The following NWD1 variants were observed in gnomAD, a reference collection of about 807,000 sequenced individuals.
NWD1 encodes NACHT domain- and WD repeat-containing protein 1.
In NWD1, 129 loss-of-function variants were observed where a neutral mutation model predicts 135.1. The ratio of observed to expected loss-of-function variants is 0.96; its 90% CI spans 0.83 to 1.11. The LOEUF (loss-of-function observed/expected upper bound fraction) is 1.11. Ranked by LOEUF, NWD1 falls within the 50% of genes least tolerant of loss-of-function variation. The pLI, the probability that NWD1 is intolerant of heterozygous loss-of-function variation, is 0.00. For synonymous variants in NWD1, 773 were observed against 786.0 expected (o/e 0.98, Z 0.28); for missense variants, 1,740 against 1,851.3 (o/e 0.94, Z 1.10).
intron 5 of NWD1, among the ~76,000 whole-genome samples, chr19:16,747,756 C>T (rs1303999943): frequency 6.6e-6 from 1 of 152,114 alleles, no homozygotes; most frequent in African/African-American, 2.4e-5. Context: ...AACCATCAAT[C>T]TGCTTTCTGT....
intron 14 of NWD1, among the ~76,000 whole-genome samples, chr19:16,792,705 CAACAAA>C (rs1161491322): frequency 4.7e-5 from 7 of 148,930 alleles, no homozygotes; most frequent in African/African-American, 1.7e-4. Flanking sequence ...AAAACAACAG[CAACAAA>C]AACAAAAGCC....
chr19:16,791,555 C>T lies in NWD1; in HGVS notation c.3146C>T (p.Thr1049Ile). The T allele has an allele frequency of 6.2e-7, 1 of 1,614,186 alleles. No homozygotes were observed. The highest frequency in any genetic ancestry group is 8.5e-7 in the Non-Finnish European group (1 of 1,180,022). ...HMSSIKEETP[T>I]CAVSVQKQGK... is the part of the protein sequence containing the mutation. ...TCCAGCATCAAAGAAGAAACACCTA[C>T]CTGTGCCGTCTCAGTCCAGAAGCAA... Residue 1049 changes from threonine (T) to isoleucine (I), a missense_variant, in exon 14 of 19, where the codon ACC (threonine) becomes ATC (isoleucine). Physicochemically the swap from Thr to Ile is moderately conservative, Grantham distance 89. Coordinates refer to ENST00000524140, the MANE Select transcript of NWD1 (RefSeq NM_001007525.5).
chr19:16,797,911 A>G (rs1970474586), intron 16 of NWD1, 25 bp downstream of exon 16: 1 of 1,593,380 alleles, frequency 6.3e-7, no homozygotes. Context: ...GGGACCCTTC[A>G]TCCTCACCTC....
intron 5 of NWD1, among the ~76,000 whole-genome samples, chr19:16,747,754 A>G (rs528723797): frequency 6.6e-6 from 1 of 152,098 alleles, no homozygotes; most frequent in East Asian, 1.9e-4. Context: ...GCAACCATCA[A>G]TCTGCTTTCT....
chr19:16,733,520 CAAAA>C (rs11436280), intron 3 of NWD1, among the ~76,000 whole-genome samples: 2 of 133,344 alleles, frequency 1.5e-5, no homozygotes, highest in Non-Finnish European at 3.2e-5. Context: ...GATTCTGTCT[CAAAA>C]AAAAAAAAAA....
At chr19:16,746,862 T>A (rs1968343525) in intron 5 of NWD1, among the ~76,000 whole-genome samples, 1 of 151,984 alleles carries the variant, frequency 6.6e-6, no homozygotes, top group African/African-American at 2.4e-5. Flanking sequence ...CACAAAGGTC[T>A]TCATCCTCAT....
chr19:16,734,559 C>CT (rs58061957), intron 3 of NWD1, among the ~76,000 whole-genome samples: 43,559 of 136,870 alleles, frequency 0.32, 7,575 homozygotes, highest in African/African-American at 0.42. Context: ...GATTTTCTTT[C>CT]TTTTTTTTTT....
intron 12 of NWD1, among the ~76,000 whole-genome samples, chr19:16,782,210 A>G (rs530911013): frequency 1.7e-4 from 25 of 149,622 alleles, no homozygotes; most frequent in Non-Finnish European, 3.5e-4. Context: ...TAATCCCAGC[A>G]CTTTGAAGAT....
chr19:16,797,931 A>G, intron 16 of NWD1, 45 bp downstream of exon 16: 2 of 1,553,014 alleles, frequency 1.3e-6, no homozygotes, highest in Non-Finnish European at 1.8e-6. Flanking sequence ...CCACCTCGGG[A>G]ACAGACACTG....
rs534503108 is a variant in NWD1, at chr19:16,806,790, G to A, written c.3737-796G>A. ...AGCATTTTGGGAGGCCGAGGCGGGCGGATCACTTGAGGTCAGGAGTTCAAG... is the reference window on the plus strand; with the variant it reads ...AGCATTTTGGGAGGCCGAGGCGGGCAGATCACTTGAGGTCAGGAGTTCAAG... On this transcript the variant is annotated intron_variant, in intron 17 of 18. Transcript: ENST00000524140. Among the ~76,000 whole-genome samples, 5 of 151,916 alleles carry A rather than the reference G, an allele frequency of 3.3e-5. No homozygotes were observed. In the South Asian group the frequency reaches 8.3e-4, roughly 25 times the overall value.
At chr19:16,738,782 A>ATATAATATAATG (rs1157077255) in intron 4 of NWD1, among the ~76,000 whole-genome samples, 6 of 63,408 alleles carry the variant, frequency 9.5e-5, no homozygotes, top group Non-Finnish European at 1.9e-4. Context: ...TATAATATAT[A>ATATAATATAATG]ATATATAATA....
intron 17 of NWD1, among the ~76,000 whole-genome samples, chr19:16,807,061 G>A (rs375539059): frequency 3.3e-5 from 5 of 151,458 alleles, no homozygotes; most frequent in African/African-American, 9.7e-5. Context: ...AGTGGCAGGC[G>A]CCTGTAGTCT....
chr19:16,739,377 G>A (rs77977020), intron 4 of NWD1, among the ~76,000 whole-genome samples: 2 of 150,974 alleles, frequency 1.3e-5, no homozygotes, highest in East Asian at 3.9e-4. Flanking sequence ...AGGAAGAAAG[G>A]GAAAAGAAGG....
At chr19:16,757,656 C>T (rs570343205) in intron 6 of NWD1, among the ~76,000 whole-genome samples, 9 of 152,230 alleles carry the variant, frequency 5.9e-5, no homozygotes, top group Non-Finnish European at 8.8e-5. Context: ...CTCTGAGGTT[C>T]GCATTGCTTA....
At chr19:16,782,574 G>A (rs1969893644) in intron 12 of NWD1, among the ~76,000 whole-genome samples, 1 of 152,054 alleles carries the variant, frequency 6.6e-6, no homozygotes, top group Non-Finnish European at 1.5e-5. Flanking sequence ...ATTTAAAGGG[G>A]TGCCCTAAAA....
At chr19:16,784,413 A>T (rs764990072) in intron 12 of NWD1, among the ~76,000 whole-genome samples, 5 of 151,902 alleles carry the variant, frequency 3.3e-5, no homozygotes, top group Non-Finnish European at 7.4e-5. Context: ...ATACAGGAGG[A>T]TATATATAGG....
chr19:16,723,755 G>A (rs563632397), intron 1 of NWD1, among the ~76,000 whole-genome samples: 5 of 152,134 alleles, frequency 3.3e-5, no homozygotes, highest in Admixed American at 2.6e-4. Flanking sequence ...GCTGGGTGTG[G>A]TGTGATCTCA....
chr19:16,722,087 T>C (rs987384200), intron 1 of NWD1, among the ~76,000 whole-genome samples: 1 of 151,452 alleles, frequency 6.6e-6, no homozygotes, highest in African/African-American at 2.4e-5. Flanking sequence ...CACTCTAATC[T>C]GGGCAATGGA....
intron 7 of NWD1, among the ~76,000 whole-genome samples, chr19:16,761,711 T>A (rs1349795338): frequency 1.3e-5 from 2 of 152,162 alleles, no homozygotes; most frequent in Non-Finnish European, 2.9e-5. Flanking sequence ...GTGGATTTGC[T>A]GGGTCAGGTG....
Sources: gnomAD v4.1 joint callset for allele counts (sites outside exome capture counted in the v4.1 genomes callset) on GRCh38, gnomAD v4.1.1 for gene constraint, MANE v1.5 for transcripts, NCBI Gene and HGNC (gene_info 2026-07-23, HGNC 2026-07-21) for gene names.